Variants in ASAP2 observed in about 807,000 individuals in gnomAD.
The protein encoded by ASAP2 is ArfGAP with SH3 domain, ankyrin repeat and PH domain 2.
In ASAP2, 45 loss-of-function variants were observed where a neutral mutation model predicts 131.4. That is an observed-to-expected ratio of 0.34 (90% CI 0.27 to 0.44). The LOEUF (loss-of-function observed/expected upper bound fraction) is 0.44. Ranked by LOEUF, ASAP2 falls within the 20% of genes least tolerant of loss-of-function variation. The pLI is 1.00. For synonymous variants in ASAP2, 510 were observed against 503.0 expected (o/e 1.01, Z -0.19); for missense variants, 1,011 against 1,297.0 (o/e 0.78, Z 3.39).
At chr2:9,318,481 C>T in intron 3 of ASAP2, 43 bp from the exon 4 acceptor site, 1 of 1,441,466 alleles carries the variant, frequency 6.9e-7, no homozygotes, top group Non-Finnish European at 9.7e-7. Context: ...TTTAGATTCA[C>T]AAGGAAGCTG....
chr2:9,384,463 TG>T (rs975533280), intron 20 of ASAP2, among the ~76,000 whole-genome samples: 32 of 152,190 alleles, frequency 2.1e-4, no homozygotes, highest in Admixed American at 7.2e-4. Flanking sequence ...TCCCACAGGC[TG>T]GGGGCTCAGT....
rs1669668909 is a variant in ASAP2, at chr2:9,316,295, CCT to C, written c.346-2228_346-2227del. Among the ~76,000 whole-genome samples, 4 of 151,754 alleles carry C rather than the reference CCT, an allele frequency of 2.6e-5. No individual in the cohort carries two copies. In the South Asian group the frequency reaches 8.3e-4, roughly 32 times the overall value. ...TCCAACCTGGGCGACACAGTGAGAC[CCT>C]GTTTCAAAAAAAAAGAAAAAAAAAT... is the stretch of plus-strand genomic sequence containing the variant. On this transcript the variant is annotated intron_variant, in intron 3 of 27. Transcript: ENST00000281419.
chr2:9,320,529 C>T (rs1293534158), intron 5 of ASAP2, among the ~76,000 whole-genome samples, 192 bp downstream of exon 5: 1 of 152,162 alleles, frequency 6.6e-6, no homozygotes, highest in African/African-American at 2.4e-5. Context: ...AATCTGTTTT[C>T]TTCTGTTCCT....
chr2:9,249,833 G>A (rs1031979635), intron 1 of ASAP2, among the ~76,000 whole-genome samples: 2 of 152,214 alleles, frequency 1.3e-5, no homozygotes, highest in Non-Finnish European at 2.9e-5. Flanking sequence ...TGATTAGAGA[G>A]AGGCTACCCT....
Position 9,401,264 on chromosome 2 carries a change from C to T in ASAP2, c.2824-10C>T, listed in dbSNP as rs1240491427. Reference sequence around the variant, plus strand: ...AGCCACACTAACCGTTGTTCCCTCTCCTGACCCAGACCAAGTTGAAGCCTA... The same window carrying T: ...AGCCACACTAACCGTTGTTCCCTCTTCTGACCCAGACCAAGTTGAAGCCTA... On this transcript the variant is annotated splice_polypyrimidine_tract_variant and intron_variant, in intron 26 of 27. Coordinates refer to ENST00000281419, the MANE Select transcript of ASAP2 (RefSeq NM_003887.3). 1.2e-6 allele frequency: 2 copies of T among 1,613,348 alleles called. No homozygotes were observed. The highest frequency in any genetic ancestry group is 1.7e-5 in the Admixed American group (1 of 59,998).
intron 1 of ASAP2, among the ~76,000 whole-genome samples, chr2:9,243,360 G>T (rs992341389): frequency 7.2e-5 from 11 of 152,120 alleles, no homozygotes; most frequent in African/African-American, 2.2e-4. Flanking sequence ...CACCCACCTC[G>T]GCCTCGCAAA....
intron 1 of ASAP2, among the ~76,000 whole-genome samples, chr2:9,241,791 G>A (rs370929803): frequency 1.3e-5 from 2 of 152,194 alleles, no homozygotes; most frequent in African/African-American, 4.8e-5. Context: ...CAAGGAAAGC[G>A]AGGAGAAGGA....
chr2:9,243,067 A>G (rs966155255), intron 1 of ASAP2, among the ~76,000 whole-genome samples: 1 of 152,216 alleles, frequency 6.6e-6, no homozygotes, highest in Non-Finnish European at 1.5e-5. Context: ...TTCCAAGAAC[A>G]GGAATGTTTT....
chr2:9,397,726 G>GGAGATATA (rs1156272192), intron 24 of ASAP2, among the ~76,000 whole-genome samples: 5 of 104,368 alleles, frequency 4.8e-5, no homozygotes, highest in African/African-American at 2.8e-4. Context: ...AAAATCAAAA[G>GGAGATATA]GATATATATA....
intron 7 of ASAP2, among the ~76,000 whole-genome samples, chr2:9,329,345 C>A (rs1670682255): frequency 6.6e-6 from 1 of 152,186 alleles, no homozygotes; most frequent in Non-Finnish European, 1.5e-5. Flanking sequence ...TTTGTATGCA[C>A]TCCTGTGATC....
chr2:9,224,851 C>G (rs1244540022), intron 1 of ASAP2, among the ~76,000 whole-genome samples: 1 of 152,216 alleles, frequency 6.6e-6, no homozygotes, highest in Non-Finnish European at 1.5e-5. Context: ...GCAGAGTGCT[C>G]TACATCTGGG....
intron 17 of ASAP2, 118 bp from the exon 18 acceptor site, chr2:9,376,790 G>A (rs1443691746): frequency 1.1e-6 from 1 of 910,452 alleles, no homozygotes; most frequent in Non-Finnish European, 1.7e-6. Context: ...TAAGAGATAA[G>A]TTTCTCGAAG....
At chr2:9,348,417 G>A (rs1015734993) in intron 11 of ASAP2, among the ~76,000 whole-genome samples, 10 of 152,190 alleles carry the variant, frequency 6.6e-5, no homozygotes, top group Non-Finnish European at 1.3e-4. Flanking sequence ...GAGCTACTGC[G>A]CCCAGGTGAC....
At chr2:9,209,371 C>G (rs1436414626) in intron 1 of ASAP2, among the ~76,000 whole-genome samples, 1 of 152,124 alleles carries the variant, frequency 6.6e-6, no homozygotes, top group Non-Finnish European at 1.5e-5. Context: ...GTGTCTATTA[C>G]CAAAACTTGT....
At chr2:9,346,728 G>A (rs1247076396) in intron 11 of ASAP2, among the ~76,000 whole-genome samples, 1 of 152,176 alleles carries the variant, frequency 6.6e-6, no homozygotes, top group African/African-American at 2.4e-5. Flanking sequence ...TGAAGTCAAG[G>A]GGCATATTTG....
At chr2:9,313,771 C>T (rs564901383) in intron 3 of ASAP2, among the ~76,000 whole-genome samples, 2 of 152,168 alleles carry the variant, frequency 1.3e-5, no homozygotes, top group South Asian at 4.2e-4. Context: ...GGACAGTTAC[C>T]CTTCCTTCTT....
intron 9 of ASAP2, among the ~76,000 whole-genome samples, chr2:9,342,307 A>T (rs1572500509): frequency 6.6e-6 from 1 of 152,264 alleles, no homozygotes; most frequent in Non-Finnish European, 1.5e-5. Context: ...TACTGGCATA[A>T]GGAGAGACAT....
chr2:9,379,861 G>A (rs566213192), intron 19 of ASAP2, among the ~76,000 whole-genome samples: 21 of 151,970 alleles, frequency 1.4e-4, no homozygotes, highest in South Asian at 4.2e-4. Flanking sequence ...GTATGGTGGC[G>A]CGCACCTGTA....
At chr2:9,211,461 A>G (rs941489850) in intron 1 of ASAP2, among the ~76,000 whole-genome samples, 1 of 151,974 alleles carries the variant, frequency 6.6e-6, no homozygotes, top group Non-Finnish European at 1.5e-5. Context: ...AATTGTATAC[A>G]TATTTGGAAT....
Sources: gnomAD v4.1 joint callset for allele counts (sites outside exome capture counted in the v4.1 genomes callset) on GRCh38, gnomAD v4.1.1 for gene constraint, MANE v1.5 for transcripts, NCBI Gene and HGNC (gene_info 2026-07-23, HGNC 2026-07-21) for gene names.